CA10: variants seen among roughly 807,000 people sequenced by gnomAD.
The protein encoded by CA10 is carbonic anhydrase 10 (inactive), also known as carbonic anhydrase-related protein 10.
CA10 carries 14 observed loss-of-function variants against 44.2 expected under a neutral mutation model. That is an observed-to-expected ratio of 0.32 (90% CI 0.21 to 0.50). CA10 has a LOEUF of 0.50. Ranked by LOEUF, CA10 falls within the 20% of genes least tolerant of loss-of-function variation. CA10 has a pLI of 0.99. For missense variants in CA10, 350 were observed against 409.7 expected, an observed-to-expected ratio of 0.85 and a Z score of 1.26; for synonymous variants, 159 against 141.6, an observed-to-expected ratio of 1.12 and a Z score of -0.87.
chr17:51,882,992 A>G (rs1330615337), intron 3 of CA10, among the ~76,000 whole-genome samples: 1 of 152,182 alleles, frequency 6.6e-6, no homozygotes, highest in East Asian at 1.9e-4. Context: ...TTTTGTTTGT[A>G]TGATAGATTT....
chr17:52,142,586 AAT>A (rs1038401958), intron 1 of CA10, among the ~76,000 whole-genome samples: 4 of 152,092 alleles, frequency 2.6e-5, no homozygotes, highest in Admixed American at 2.6e-4. Flanking sequence ...TGGTAAGTTT[AAT>A]ATATATATAA....
At chr17:52,126,702 A>T (rs1372773730) in intron 1 of CA10, among the ~76,000 whole-genome samples, 2 of 152,120 alleles carry the variant, frequency 1.3e-5, no homozygotes, top group East Asian at 3.8e-4. Context: ...GCTCGTTTTT[A>T]TTTGGGGCAT....
chr17:51,650,505 A>G (rs1324198317), intron 5 of CA10, among the ~76,000 whole-genome samples: 1 of 152,154 alleles, frequency 6.6e-6, no homozygotes, highest in African/African-American at 2.4e-5. Context: ...GGTGAGACAC[A>G]CACCAAAGGG....
intron 2 of CA10, among the ~76,000 whole-genome samples, chr17:51,943,509 A>G (rs780742268): frequency 6.6e-6 from 1 of 152,172 alleles, no homozygotes; most frequent in Non-Finnish European, 1.5e-5. Flanking sequence ...GGCACTCCTC[A>G]ACACCTTGTA....
At chr17:51,885,438 G>A (rs147572821) in intron 3 of CA10, among the ~76,000 whole-genome samples, 2 of 152,122 alleles carry the variant, frequency 1.3e-5, no homozygotes, top group Non-Finnish European at 2.9e-5. Context: ...ACTCAAACAC[G>A]TTCACAACTC....
rs139965648 is a variant in CA10, at chr17:52,056,623, T to C, written c.136+15696A>G. ...TATCCCTGTCATGCTTTTGCAGTTA[T>C]AAGAAGTAGAATTCCTGGTTGGGAG... On this transcript the variant is annotated intron_variant, in intron 2 of 8. Coordinates refer to ENST00000451037, the MANE Select transcript of CA10 (RefSeq NM_020178.5). Among the ~76,000 whole-genome samples, 615 of 152,126 alleles carry C rather than the reference T, an allele frequency of 4.0e-3. 1 individual carries two copies. Among genetic ancestry groups the C allele is most frequent in the African/African-American group, 0.014 (578 of 41,524 alleles).
chr17:51,711,728 C>T (rs564656952), intron 4 of CA10, among the ~76,000 whole-genome samples: 4 of 152,300 alleles, frequency 2.6e-5, no homozygotes, highest in South Asian at 2.1e-4. Flanking sequence ...CATAGGAGGG[C>T]GCTGGAGTAT....
intron 3 of CA10, among the ~76,000 whole-genome samples, chr17:51,910,051 T>A (rs1387200954): frequency 6.6e-6 from 1 of 152,112 alleles, no homozygotes; most frequent in Non-Finnish European, 1.5e-5. Flanking sequence ...TTTCACATCC[T>A]GGTGACTGAA....
At chr17:51,794,285 G>A (rs146381888) in intron 3 of CA10, among the ~76,000 whole-genome samples, 61 of 152,276 alleles carry the variant, frequency 4.0e-4, no homozygotes, top group Non-Finnish European at 6.8e-4. Flanking sequence ...TATAGACAGG[G>A]GTGTAAGAAC....
At chr17:52,145,862 C>A (rs1013140898) in intron 1 of CA10, among the ~76,000 whole-genome samples, 1 of 152,144 alleles carries the variant, frequency 6.6e-6, no homozygotes. Context: ...GAACTTCATA[C>A]TGTTTGACCC....
chr17:52,095,358 C>T (rs980469949), intron 1 of CA10, among the ~76,000 whole-genome samples: 2 of 151,946 alleles, frequency 1.3e-5, no homozygotes, highest in Non-Finnish European at 2.9e-5. Flanking sequence ...GGGGGTGAAC[C>T]TATGGAGTGA....
chr17:51,831,077 C>A (rs1908222795), intron 3 of CA10, among the ~76,000 whole-genome samples: 1 of 152,184 alleles, frequency 6.6e-6, no homozygotes, highest in Non-Finnish European at 1.5e-5. Flanking sequence ...TTCTGAGATT[C>A]ATCACGGAAG....
At chr17:52,024,315 A>G (rs976813105) in intron 2 of CA10, among the ~76,000 whole-genome samples, 8 of 152,160 alleles carry the variant, frequency 5.3e-5, no homozygotes, top group African/African-American at 1.9e-4. Context: ...TTACTTAGAC[A>G]TAGTCACATA....
At chr17:51,765,733 GTGCA>G (rs1368607676) in intron 3 of CA10, among the ~76,000 whole-genome samples, 7 of 150,282 alleles carry the variant, frequency 4.7e-5, no homozygotes, top group African/African-American at 1.7e-4. Context: ...GTATGTGTGT[GTGCA>G]TGCATGTGTT....
At chr17:52,086,443 T>C (rs1034658036) in intron 1 of CA10, among the ~76,000 whole-genome samples, 5 of 152,128 alleles carry the variant, frequency 3.3e-5, no homozygotes, top group African/African-American at 9.7e-5. Flanking sequence ...GCGTGGAGGA[T>C]TTTTCAAAAG....
intron 3 of CA10, among the ~76,000 whole-genome samples, chr17:51,785,712 G>T (rs897892971): frequency 1.3e-5 from 2 of 152,206 alleles, no homozygotes; most frequent in Non-Finnish European, 2.9e-5. Context: ...CTAGAGCTCA[G>T]TAGTATAATT....
chr17:52,144,948 G>C (rs1989553065), intron 1 of CA10, among the ~76,000 whole-genome samples: 1 of 152,112 alleles, frequency 6.6e-6, no homozygotes, highest in Non-Finnish European at 1.5e-5. Flanking sequence ...CACTTAGTTA[G>C]AGATATTAAA....
Position 52,132,128 on chromosome 17 carries a change from A to G in CA10, c.61+25598T>C, listed in dbSNP as rs141356097. Among the ~76,000 whole-genome samples the G allele has an allele frequency of 3.8e-3, 582 of 152,204 alleles. 3 individuals carry two copies. Among genetic ancestry groups the G allele is most frequent in the South Asian group, 0.028 (135 of 4,812 alleles). On this transcript the variant is annotated intron_variant, in intron 1 of 8. Transcript: ENST00000451037. ...ATACATAGCACATGTATACATGTATACATAGGGCACATTATGTACATGTAC... is the reference window on the plus strand; with the variant it reads ...ATACATAGCACATGTATACATGTATGCATAGGGCACATTATGTACATGTAC...
At chr17:51,917,945 C>T (rs527715811) in intron 3 of CA10, among the ~76,000 whole-genome samples, 8 of 152,266 alleles carry the variant, frequency 5.3e-5, no homozygotes, top group African/African-American at 9.6e-5. Context: ...GCAGCTTTCA[C>T]GTGAGAAACT....
Sources: gnomAD v4.1 joint callset for allele counts (sites outside exome capture counted in the v4.1 genomes callset) on GRCh38, gnomAD v4.1.1 for gene constraint, MANE v1.5 for transcripts, NCBI Gene and HGNC (gene_info 2026-07-23, HGNC 2026-07-21) for gene names.